Variants in SRGAP3 observed in about 807,000 individuals in gnomAD.
SRGAP3 encodes the protein SLIT-ROBO Rho GTPase activating protein 3.
SRGAP3 carries 39 observed loss-of-function variants against 121.1 expected under a neutral mutation model. The observed-to-expected ratio is 0.32, with a 90% CI of 0.25 to 0.42. The LOEUF (loss-of-function observed/expected upper bound fraction) is 0.42. SRGAP3 is among the 10% of genes least tolerant of loss of function. The pLI, the probability that SRGAP3 is intolerant of heterozygous loss-of-function variation, is 1.00. For missense variants in SRGAP3, 1,213 were observed against 1,470.6 expected (o/e 0.82, Z 2.86); for synonymous variants, 601 against 570.0 (o/e 1.05, Z -0.77).
intron 1 of SRGAP3, among the ~76,000 whole-genome samples, chr3:9,132,200 A>G (rs1949481467): frequency 6.6e-6 from 1 of 152,160 alleles, no homozygotes; most frequent in Admixed American, 6.5e-5. Flanking sequence ...TTCTCCGATT[A>G]TTAACATCTT....
rs1946809588 is a variant in SRGAP3, at chr3:9,073,352, C to T, written c.486+6673G>A. Among the ~76,000 whole-genome samples, 6 of 152,302 alleles carry T rather than the reference C, an allele frequency of 3.9e-5. 2 individuals are homozygous for T. Among genetic ancestry groups the T allele is most frequent in the Admixed American group, 3.9e-4 (6 of 15,298 alleles). ...TAGAGAGAGGGTTTTGCCACGTTGCCCAGGCTGGTCTTGAACTCCTAGGCT... is the reference window on the plus strand; with the variant it reads ...TAGAGAGAGGGTTTTGCCACGTTGCTCAGGCTGGTCTTGAACTCCTAGGCT... On this transcript the variant is annotated intron_variant, in intron 4 of 21. Transcript: ENST00000383836.
intron 1 of SRGAP3, among the ~76,000 whole-genome samples, chr3:9,174,958 C>T (rs931073137): frequency 2.0e-5 from 3 of 152,136 alleles, no homozygotes; most frequent in Non-Finnish European, 4.4e-5. Context: ...AGGCGTCATT[C>T]CGTGGACTGG....
intron 3 of SRGAP3, among the ~76,000 whole-genome samples, chr3:9,274,199 CT>C (rs1421738696): frequency 6.6e-6 from 1 of 152,194 alleles, no homozygotes; most frequent in African/African-American, 2.4e-5. Flanking sequence ...TGGTGGGTGA[CT>C]TTGTGTTCAT....
At chr3:9,227,375 A>G (rs1439083235) in intron 1 of SRGAP3, among the ~76,000 whole-genome samples, 7 of 152,208 alleles carry the variant, frequency 4.6e-5, no homozygotes, top group Admixed American at 6.5e-5. Flanking sequence ...GGTAAGAGTA[A>G]TAACAGAGCG....
chr3:9,124,802 G>T lies in SRGAP3; in HGVS notation c.183C>A (p.Leu61=). 1.2e-6 allele frequency: 2 copies of T among 1,614,200 alleles called. No homozygotes were observed. Among genetic ancestry groups the T allele is most frequent in the Non-Finnish European group, 1.7e-6 (2 of 1,180,046 alleles). Residue 61 remains leucine (L), a synonymous_variant, in exon 2 of 22, where the codon CTC becomes CTA. Coordinates refer to ENST00000383836, the MANE Select transcript of SRGAP3 (RefSeq NM_014850.4). ...GCTTCTCCAGGCTGCGGGAGTACTC[G>T]AGCTCAATCTCAGCTTTCCGGCGGA... is the stretch of plus-strand genomic sequence containing the variant. ...EFFRRKAEIE[L]EYSRSLEKLA... is the part of the protein sequence containing the mutation.
At chr3:9,173,089 C>T (rs1020639295) in intron 1 of SRGAP3, among the ~76,000 whole-genome samples, 19 of 152,208 alleles carry the variant, frequency 1.2e-4, no homozygotes, top group Non-Finnish European at 2.1e-4. Flanking sequence ...TGGCCTGGCG[C>T]AGTGATGCTG....
At chr3:9,128,722 G>T (rs766608429) in intron 1 of SRGAP3, among the ~76,000 whole-genome samples, 2 of 152,160 alleles carry the variant, frequency 1.3e-5, no homozygotes, top group African/African-American at 2.4e-5. Context: ...TGGATTTTTT[G>T]AATGTGAGAT....
chr3:9,088,456 A>G (rs1268333960), intron 3 of SRGAP3, among the ~76,000 whole-genome samples: 1 of 152,188 alleles, frequency 6.6e-6, no homozygotes, highest in East Asian at 1.9e-4. Flanking sequence ...GCCTGTAGCT[A>G]AAGCCAGTTC....
intron 1 of SRGAP3, among the ~76,000 whole-genome samples, chr3:9,148,244 G>GGCTGATTGAGCAGT (rs58512008): frequency 7.1e-4 from 108 of 152,196 alleles, no homozygotes; most frequent in African/African-American, 2.5e-3. Context: ...TTATTTCAGG[G>GGCTGATTGAGCAGT]ACTGGAAGAA....
intron 1 of SRGAP3, among the ~76,000 whole-genome samples, chr3:9,343,908 A>G (rs1249025298): frequency 6.6e-6 from 1 of 152,204 alleles, no homozygotes; most frequent in Non-Finnish European, 1.5e-5. Flanking sequence ...ATCTGCCTAA[A>G]GTTCTAGGAT....
chr3:9,338,972 C>CT (rs1955736034), intron 1 of SRGAP3, among the ~76,000 whole-genome samples: 1 of 152,202 alleles, frequency 6.6e-6, no homozygotes, highest in African/African-American at 2.4e-5. Context: ...CTTCTGGAAG[C>CT]TAGTACTTAC....
chr3:9,188,066 A>T (rs1159065275), intron 1 of SRGAP3, among the ~76,000 whole-genome samples: 2 of 152,200 alleles, frequency 1.3e-5, no homozygotes, highest in East Asian at 3.9e-4. Flanking sequence ...AGAATACAAG[A>T]CAGTGATCAC....
At position 9,031,236 on chromosome 3, in the gene SRGAP3, A is replaced by G. The variant is rs113147400; in HGVS notation, c.1539+1414T>C. Among the ~76,000 whole-genome samples, 36 of 152,330 alleles carry G rather than the reference A, an allele frequency of 2.4e-4. 1 individual carries two copies. The highest frequency in any genetic ancestry group is 8.4e-4 in the African/African-American group (35 of 41,590). On this transcript the variant is annotated intron_variant, in intron 12 of 21. Coordinates refer to ENST00000383836, the MANE Select transcript of SRGAP3 (RefSeq NM_014850.4). ...TGACTCCTTGAGGGAAGGGAGAGTA[A>G]CTAGCCCCTTCTTGGCCATGGACCA...
chr3:9,289,166 T>C (rs1177953633), intron 3 of SRGAP3, among the ~76,000 whole-genome samples: 1 of 152,266 alleles, frequency 6.6e-6, no homozygotes. Context: ...CCCAAAGCGC[T>C]GGGATTACAG....
chr3:9,177,200 C>A (rs879645521), intron 1 of SRGAP3, among the ~76,000 whole-genome samples: 7 of 152,312 alleles, frequency 4.6e-5, no homozygotes, highest in Admixed American at 4.6e-4. Context: ...GATGTGGACA[C>A]AAAAGGAAGC....
intron 10 of SRGAP3, among the ~76,000 whole-genome samples, chr3:9,045,672 A>G (rs555433723): frequency 6.6e-6 from 1 of 152,282 alleles, no homozygotes; most frequent in African/African-American, 2.4e-5. Flanking sequence ...GGGCCTCTTT[A>G]TTCATCAAAG....
chr3:9,044,136 CT>C (rs1286486806), intron 10 of SRGAP3, among the ~76,000 whole-genome samples: 32 of 152,294 alleles, frequency 2.1e-4, no homozygotes, highest in Admixed American at 1.8e-3. Context: ...CTCAAATCCA[CT>C]TTTAAGTAAA....
intron 3 of SRGAP3, among the ~76,000 whole-genome samples, chr3:9,312,085 T>A (rs1454275260): frequency 1.3e-5 from 2 of 152,250 alleles, no homozygotes; most frequent in African/African-American, 4.8e-5. Flanking sequence ...ACAGTTTTCT[T>A]TCATTACTCT....
At chr3:9,215,763 T>C (rs1952597390) in intron 1 of SRGAP3, among the ~76,000 whole-genome samples, 1 of 152,116 alleles carries the variant, frequency 6.6e-6, no homozygotes, top group African/African-American at 2.4e-5. Context: ...AGAACTCAGG[T>C]CCCCCAGCCT....
Sources: gnomAD v4.1 joint callset for allele counts (sites outside exome capture counted in the v4.1 genomes callset) on GRCh38, gnomAD v4.1.1 for gene constraint, MANE v1.5 for transcripts, NCBI Gene and HGNC (gene_info 2026-07-23, HGNC 2026-07-21) for gene names.